The following LINC00305 variants were observed in gnomAD, a reference collection of about 807,000 sequenced individuals.
The protein encoded by LINC00305 is long independently transcribed non-coding RNA 305.
At chr18:64,096,041 A>G (rs889725163) in intron 3 of LINC00305, among the ~76,000 whole-genome samples, 3 of 152,010 alleles carry the variant, frequency 2.0e-5, no homozygotes, top group African/African-American at 4.8e-5. Flanking sequence ...ATAAAAAAAA[A>G]TATTAAAAAA....
chr18:64,137,241 TG>T (rs1256333385), intron 1 of LINC00305, among the ~76,000 whole-genome samples: 1 of 152,140 alleles, frequency 6.6e-6, no homozygotes, highest in Non-Finnish European at 1.5e-5. Context: ...CACCAGAAGC[TG>T]GAAGAGGCAA....
At chr18:64,099,773 T>C (rs750937509) in intron 1 of LINC00305, among the ~76,000 whole-genome samples, 5 of 152,198 alleles carry the variant, frequency 3.3e-5, no homozygotes, top group Non-Finnish European at 7.4e-5. Context: ...GATTTTGTAA[T>C]GTTTACATCC....
intron 1 of LINC00305, among the ~76,000 whole-genome samples, chr18:64,146,239 T>C (rs1435805165): frequency 1.3e-5 from 2 of 152,172 alleles, no homozygotes; most frequent in African/African-American, 4.8e-5. Context: ...ATGTCCACCA[T>C]AGCACAGATT....
intron 1 of LINC00305, among the ~76,000 whole-genome samples, chr18:64,117,895 C>T (rs2051344808): frequency 6.6e-6 from 1 of 152,118 alleles, no homozygotes; most frequent in South Asian, 2.1e-4. Context: ...AGGTGTATTC[C>T]TACCTCTGCC....
chr18:64,098,568 G>T (rs1275304060), intron 2 of LINC00305: 2 of 444,738 alleles, frequency 4.5e-6, no homozygotes, highest in East Asian at 7.1e-5. Flanking sequence ...ATTTGAAATG[G>T]TTACTCACCA....
chr18:64,080,147 C>T (rs1052235700), exon 4 of LINC00305: 9 of 190,872 alleles, frequency 4.7e-5, no homozygotes, highest in Non-Finnish European at 3.4e-5. Context: ...TTTGCCACTT[C>T]CCTGCATGAG....
At chr18:64,089,076 G>C (rs1183519070) in intron 3 of LINC00305, among the ~76,000 whole-genome samples, 2 of 152,138 alleles carry the variant, frequency 1.3e-5, no homozygotes, top group Non-Finnish European at 2.9e-5. Context: ...CAGAGATAGA[G>C]ACTGATATGG....
intron 3 of LINC00305, among the ~76,000 whole-genome samples, chr18:64,090,929 A>G (rs1430566185): frequency 1.3e-5 from 2 of 152,214 alleles, no homozygotes; most frequent in Non-Finnish European, 2.9e-5. Flanking sequence ...GTGCTGCACA[A>G]AACTAACTCA....
intron 3 of LINC00305, among the ~76,000 whole-genome samples, chr18:64,090,993 C>A (rs1292936858): frequency 6.6e-6 from 1 of 152,188 alleles, no homozygotes; most frequent in African/African-American, 2.4e-5. Context: ...CTGCCATTGA[C>A]TTATGAATGA....
chr18:64,124,221 C>T (rs1003946437), intron 1 of LINC00305, among the ~76,000 whole-genome samples: 2 of 152,132 alleles, frequency 1.3e-5, no homozygotes, highest in Admixed American at 6.5e-5. Context: ...AGTATTTAAG[C>T]TCTGCATGGC....
At chr18:64,143,588 A>G (rs1182066796) in intron 1 of LINC00305, among the ~76,000 whole-genome samples, 1 of 83,136 alleles carries the variant, frequency 1.2e-5, no homozygotes, top group South Asian at 3.1e-4. Context: ...ATATGTACAT[A>G]TGTACACATA....
At chr18:64,095,742 G>A (rs1023554736) in intron 3 of LINC00305, among the ~76,000 whole-genome samples, 8 of 152,170 alleles carry the variant, frequency 5.3e-5, no homozygotes, top group African/African-American at 1.9e-4. Context: ...GAGAGAAATA[G>A]CAGATAGAAT....
chr18:64,141,409 G>A (rs1322618169), intron 1 of LINC00305, among the ~76,000 whole-genome samples: 1 of 152,032 alleles, frequency 6.6e-6, no homozygotes, highest in Non-Finnish European at 1.5e-5. Flanking sequence ...AACTGAATAG[G>A]TTTTTAAAAA....
intron 1 of LINC00305, among the ~76,000 whole-genome samples, chr18:64,145,325 C>T (rs1388567491): frequency 1.3e-5 from 2 of 151,912 alleles, no homozygotes; most frequent in African/African-American, 4.8e-5. Flanking sequence ...CCCATGTGAC[C>T]ATCTCACCTC....
intron 1 of LINC00305, among the ~76,000 whole-genome samples, chr18:64,100,278 A>G (rs2051262987): frequency 6.6e-6 from 1 of 152,146 alleles, no homozygotes; most frequent in Admixed American, 6.6e-5. Flanking sequence ...CACCCCCTCA[A>G]AGCTACTCAA....
At chr18:64,090,064 A>G (rs1431641802) in intron 3 of LINC00305, among the ~76,000 whole-genome samples, 1 of 152,222 alleles carries the variant, frequency 6.6e-6, no homozygotes, top group African/African-American at 2.4e-5. Context: ...ATGGATGGAA[A>G]CATGCATTTG....
intron 3 of LINC00305, among the ~76,000 whole-genome samples, chr18:64,084,571 G>A (rs1488957561): frequency 6.6e-6 from 1 of 152,194 alleles, no homozygotes; most frequent in African/African-American, 2.4e-5. Context: ...ATAAAAGTCA[G>A]TGAATAGTAT....
At chr18:64,126,331 C>T (rs2051385031) in intron 1 of LINC00305, among the ~76,000 whole-genome samples, 1 of 151,886 alleles carries the variant, frequency 6.6e-6, no homozygotes, top group African/African-American at 2.4e-5. Context: ...TAAAAATTTT[C>T]TGCAATGAAC....
At chr18:64,100,037 A>G (rs1196702401) in intron 1 of LINC00305, among the ~76,000 whole-genome samples, 1 of 152,204 alleles carries the variant, frequency 6.6e-6, no homozygotes, top group African/African-American at 2.4e-5. Context: ...ATGCAACCCT[A>G]CTTCGACATA....
Sources: allele counts gnomAD v4.1 joint callset (sites outside exome capture counted in the v4.1 genomes callset), GRCh38; gene constraint gnomAD v4.1.1; transcripts MANE v1.5; gene names NCBI Gene and HGNC (gene_info 2026-07-23, HGNC 2026-07-21).